The following ENTREP2 variants were observed in gnomAD, a reference collection of about 807,000 sequenced individuals.
ENTREP2 encodes protein ENTREP2.
At chr15:29,622,298 C>T in the ENTREP2 span, among the ~76,000 whole-genome samples, 1 of 152,048 alleles carries the variant, frequency 6.6e-6, no homozygotes, top group Non-Finnish European at 1.5e-5. Flanking sequence ...CTCTGCCTCC[C>T]AGGTTCAAGC....
At chr15:29,308,546 G>A in the ENTREP2 span, among the ~76,000 whole-genome samples, 5 of 152,096 alleles carry the variant, frequency 3.3e-5, no homozygotes, top group Non-Finnish European at 4.4e-5. Context: ...CCAGCGGTGC[G>A]GCCCTAGCGC....
the ENTREP2 span, among the ~76,000 whole-genome samples, chr15:29,334,220 G>A: frequency 6.6e-6 from 1 of 152,182 alleles, no homozygotes; most frequent in African/African-American, 2.4e-5. Context: ...CCCGGGACAT[G>A]ATAACCCAGA....
At chr15:29,386,549 T>C in the ENTREP2 span, among the ~76,000 whole-genome samples, 1 of 152,198 alleles carries the variant, frequency 6.6e-6, no homozygotes, top group Non-Finnish European at 1.5e-5. Flanking sequence ...GCAAAGTTTA[T>C]GGTCATTTGC....
the ENTREP2 span, among the ~76,000 whole-genome samples, chr15:29,558,406 C>G: frequency 6.3e-4 from 95 of 151,924 alleles, 1 homozygote; most frequent in African/African-American, 2.3e-3. Context: ...CTCTGCAGAC[C>G]ATGGCACAGG....
the ENTREP2 span, among the ~76,000 whole-genome samples, chr15:29,221,316 C>T: frequency 6.6e-6 from 1 of 152,026 alleles, no homozygotes; most frequent in Non-Finnish European, 1.5e-5. Context: ...ATTCTCCTGC[C>T]TCAGCCTCCC....
the ENTREP2 span, among the ~76,000 whole-genome samples, chr15:29,361,452 T>C: frequency 6.6e-6 from 1 of 152,204 alleles, no homozygotes; most frequent in African/African-American, 2.4e-5. Context: ...AAAATTCATT[T>C]CTCGATTTCT....
the ENTREP2 span, among the ~76,000 whole-genome samples, chr15:29,466,526 ACGCTG>A: frequency 7.2e-6 from 1 of 139,102 alleles, no homozygotes; most frequent in African/African-American, 2.8e-5. Context: ...CGAGGAGAGG[ACGCTG>A]CACCCCCAAG....
chr15:29,293,625 G>A, the ENTREP2 span, among the ~76,000 whole-genome samples: 1 of 152,174 alleles, frequency 6.6e-6, no homozygotes, highest in South Asian at 2.1e-4. Flanking sequence ...ATGCAAGCAG[G>A]CCCAGAAGCA....
the ENTREP2 span, among the ~76,000 whole-genome samples, chr15:29,425,381 A>G: frequency 1.3e-5 from 2 of 152,012 alleles, no homozygotes; most frequent in East Asian, 3.9e-4. Context: ...TTGGAGTTAT[A>G]TTTTTGTATT....
chr15:29,359,964 T>C, the ENTREP2 span, among the ~76,000 whole-genome samples: 1 of 152,334 alleles, frequency 6.6e-6, no homozygotes, highest in South Asian at 2.1e-4. Context: ...AATAATATTC[T>C]TCATTAAAAG....
At chr15:29,605,237 T>C in the ENTREP2 span, among the ~76,000 whole-genome samples, 5 of 152,174 alleles carry the variant, frequency 3.3e-5, no homozygotes, top group African/African-American at 9.6e-5. Flanking sequence ...GAATATTACT[T>C]TTTCTAAAAT....
chr15:29,148,581 T>A, the ENTREP2 span, among the ~76,000 whole-genome samples: 4 of 152,266 alleles, frequency 2.6e-5, no homozygotes, highest in African/African-American at 9.6e-5. Flanking sequence ...TATTGTTTTT[T>A]ATTTATATTT....
chr15:29,313,503 T>C, the ENTREP2 span, among the ~76,000 whole-genome samples: 1 of 152,244 alleles, frequency 6.6e-6, no homozygotes, highest in Non-Finnish European at 1.5e-5. Flanking sequence ...CTATTTCACC[T>C]GTGCACTAGA....
chr15:29,285,961 A>T, the ENTREP2 span, among the ~76,000 whole-genome samples: 6 of 152,344 alleles, frequency 3.9e-5, no homozygotes, highest in Admixed American at 3.9e-4. Context: ...TCTTCCCCCA[A>T]AAAAGAAAAG....
the ENTREP2 span, among the ~76,000 whole-genome samples, chr15:29,192,576 C>A: frequency 6.6e-6 from 1 of 151,978 alleles, no homozygotes; most frequent in African/African-American, 2.4e-5. Context: ...TTACCTGGGG[C>A]GTATGCAGTC....
chr15:29,124,742 C>A, the ENTREP2 span: 1 of 1,550,636 alleles, frequency 6.4e-7, no homozygotes, highest in Non-Finnish European at 8.7e-7. Context: ...TACACGACGG[C>A]CTGTGTGAAG....
At chr15:29,252,967 T>C in the ENTREP2 span, among the ~76,000 whole-genome samples, 1 of 152,198 alleles carries the variant, frequency 6.6e-6, no homozygotes, top group Non-Finnish European at 1.5e-5. Context: ...GCCAACTGTG[T>C]TTCATTTACA....
At chr15:29,438,419 G>A in the ENTREP2 span, among the ~76,000 whole-genome samples, 2 of 152,202 alleles carry the variant, frequency 1.3e-5, no homozygotes, top group South Asian at 4.1e-4. Flanking sequence ...CATGTTCTCT[G>A]TGTTCTCAGA....
At chr15:29,195,148 G>A in the ENTREP2 span, 2 of 985,400 alleles carry the variant, frequency 2.0e-6, no homozygotes, top group South Asian at 9.4e-5. Flanking sequence ...GAGTGCTGCA[G>A]TTCTTGATTC....
Sources: allele counts gnomAD v4.1 joint callset (sites outside exome capture counted in the v4.1 genomes callset), GRCh38; gene constraint gnomAD v4.1.1; transcripts MANE v1.5; gene names NCBI Gene and HGNC (gene_info 2026-07-23, HGNC 2026-07-21).